The following TUT7 variants were observed in gnomAD, a reference collection of about 807,000 sequenced individuals.
TUT7 encodes the protein terminal uridylyltransferase 7.
Under a neutral mutation model 165.9 loss-of-function variants are expected in TUT7, and 33 were observed. The ratio of observed to expected loss-of-function variants is 0.20; its 90% CI spans 0.15 to 0.27. The LOEUF is 0.27. Among genes scored for constraint, TUT7 ranks in the 10% least tolerant of loss-of-function variants. The pLI is 1.00. For missense variants in TUT7, 1,338 were observed against 1,762.3 expected (o/e 0.76, Z 4.31); for synonymous variants, 552 against 608.1 (o/e 0.91, Z 1.36).
rs1828014274 is a variant in TUT7 at position 86,311,183 on chromosome 9, C to T, written c.3275-374G>A. Among the ~76,000 whole-genome samples, 2 of 152,202 alleles carry T rather than the reference C, an allele frequency of 1.3e-5. No homozygotes were observed. The highest frequency in any genetic ancestry group is 2.1e-4 in the South Asian group (1 of 4,826). The stretch of plus-strand genomic sequence containing the variant: ...ACTATGTGGTTCCCACCTGTTCTCT[C>T]CATGTGACTATATCTAATTTGGAGA... On this transcript the variant is annotated intron_variant, in intron 17 of 26. Transcript: ENST00000375963. This position sits in a 1 kb window ranked among gnomAD's most constrained non-coding sequence, Gnocchi z 4.4.
intron 10 of TUT7, among the ~76,000 whole-genome samples, chr9:86,332,338 C>T (rs150530753): frequency 4.5e-4 from 68 of 150,242 alleles, no homozygotes; most frequent in Middle Eastern, 3.4e-3. Context: ...TACATATACA[C>T]CGTGGAATAC....
intron 16 of TUT7, 80 bp from the exon 17 acceptor site, chr9:86,317,356 A>G (rs756808927): frequency 6.2e-5 from 70 of 1,125,736 alleles, no homozygotes; most frequent in Non-Finnish European, 8.3e-5. Context: ...CATTACCTTC[A>G]GAAATAATGT....
chr9:86,352,216 T>C (rs932285007), intron 2 of TUT7, among the ~76,000 whole-genome samples: 2 of 152,190 alleles, frequency 1.3e-5, no homozygotes, highest in Non-Finnish European at 2.9e-5. Flanking sequence ...TGGCAGGAGA[T>C]ATACGCAGTG....
chr9:86,341,745 T>C (rs1478006111), intron 6 of TUT7, among the ~76,000 whole-genome samples: 1 of 152,150 alleles, frequency 6.6e-6, no homozygotes, highest in African/African-American at 2.4e-5. Context: ...TTTCCCCCTC[T>C]CCTGCAGGCT....
At chr9:86,317,740 G>C (rs1002506116) in intron 16 of TUT7, among the ~76,000 whole-genome samples, 6 of 152,102 alleles carry the variant, frequency 3.9e-5, no homozygotes, top group African/African-American at 1.4e-4. Flanking sequence ...TTTCCCTATA[G>C]GACTAGCCAG....
At chr9:86,340,679 T>C (rs1436968679) in intron 7 of TUT7, among the ~76,000 whole-genome samples, 1 of 152,234 alleles carries the variant, frequency 6.6e-6, no homozygotes, top group Admixed American at 6.5e-5. Flanking sequence ...ATTTTAACCA[T>C]TGATAAAAGC....
intron 13 of TUT7, among the ~76,000 whole-genome samples, 193 bp downstream of exon 13, chr9:86,322,680 T>C (rs1478765290): frequency 1.3e-5 from 2 of 152,210 alleles, no homozygotes; most frequent in African/African-American, 2.4e-5. Flanking sequence ...TCACTACTAA[T>C]AGCATTCCCT....
At chr9:86,339,762 T>C (rs1020943454) in intron 8 of TUT7, among the ~76,000 whole-genome samples, 2 of 152,202 alleles carry the variant, frequency 1.3e-5, no homozygotes, top group Non-Finnish European at 2.9e-5. Flanking sequence ...TTACAGCAAG[T>C]AACTATTTAA....
chr9:86,308,294 T>TG, intron 22 of TUT7, 135 bp downstream of exon 22: 1 of 639,594 alleles, frequency 1.6e-6, no homozygotes, highest in Non-Finnish European at 2.4e-6. Flanking sequence ...AGAGAAAAGT[T>TG]GGCCTGGTAT....
At chr9:86,338,210 C>CTTTT (rs1156700714) in intron 9 of TUT7, among the ~76,000 whole-genome samples, 1 of 135,396 alleles carries the variant, frequency 7.4e-6, no homozygotes. Flanking sequence ...CATGGAATCT[C>CTTTT]TTTTTTTTTT....
chr9:86,333,692 C>T (rs968938802), intron 10 of TUT7, among the ~76,000 whole-genome samples: 1 of 152,174 alleles, frequency 6.6e-6, no homozygotes, highest in Non-Finnish European at 1.5e-5. Context: ...CTGACAATTT[C>T]AACATTTGTC....
At chr9:86,308,638 G>A (rs1220834864) in intron 21 of TUT7, 32 bp from the exon 22 acceptor site, 1 of 1,551,410 alleles carries the variant, frequency 6.4e-7, no homozygotes, top group Non-Finnish European at 8.7e-7. Context: ...GGATACCATG[G>A]TCTTTAGTGA....
rs1828049224 is a variant in TUT7 at position 86,311,534 on chromosome 9, C to T, written c.3275-725G>A. On this transcript the variant is annotated intron_variant, in intron 17 of 26. Coordinates refer to ENST00000375963, the MANE Select transcript of TUT7 (RefSeq NM_024617.4). The surrounding 1 kb of genome is among the most constrained non-coding windows in gnomAD (Gnocchi z 4.4). The stretch of plus-strand genomic sequence containing the variant: ...AACTGGGAAAGGTCCAACTACAGAA[C>T]ATACACATTTTGCTAAGAATTATCC... Among the ~76,000 whole-genome samples, 1 of 151,958 alleles carries T rather than the reference C, an allele frequency of 6.6e-6. No individual in the cohort carries two copies. Among genetic ancestry groups the T allele is most frequent in the South Asian group, 2.1e-4 (1 of 4,806 alleles).
intron 10 of TUT7, among the ~76,000 whole-genome samples, chr9:86,332,575 CA>C (rs1830420253): frequency 1.3e-5 from 2 of 151,916 alleles, no homozygotes; most frequent in Non-Finnish European, 2.9e-5. Flanking sequence ...GGGAGAGGAG[CA>C]AGAAAAAATA....
chr9:86,298,712 T>TAA, intron 26 of TUT7: 1 of 871,510 alleles, frequency 1.1e-6, no homozygotes, highest in Non-Finnish European at 1.4e-6. Flanking sequence ...AGGCATGTGG[T>TAA]AAAGTATGCA....
At chr9:86,337,292 C>T (rs1180955789) in intron 10 of TUT7, 127 bp downstream of exon 10, 5 of 1,052,668 alleles carry the variant, frequency 4.7e-6, no homozygotes, top group Non-Finnish European at 6.9e-6. Context: ...TGAATATTCA[C>T]ATGAGTAGAA....
intron 25 of TUT7, among the ~76,000 whole-genome samples, chr9:86,302,345 G>A (rs1212603119): frequency 6.6e-6 from 1 of 152,036 alleles, no homozygotes; most frequent in Non-Finnish European, 1.5e-5. Context: ...AACAAAGAGT[G>A]CTAAAATCCA....
chr9:86,302,815 G>T (rs1827069422), intron 25 of TUT7, among the ~76,000 whole-genome samples: 3 of 151,818 alleles, frequency 2.0e-5, no homozygotes. Context: ...CACCATGTGG[G>T]TCAGGCTGGT....
At position 86,328,490 on chromosome 9, in the gene TUT7, A is replaced by C; in HGVS notation, c.1458T>G (p.Ile486Met). The change falls in exon 11 of 27, where the codon ATT (isoleucine) becomes ATG (methionine). Residue 486 changes from isoleucine (I) to methionine (M), a missense_variant and splice_region_variant. Transcript: ENST00000375963. ...PLLPVYLGSW[I>M]EGFSLSKLGN... ...CTAGTTTGCTTAATGAGAATCCTTC[A>C]ATCTAGGAAAAATTAGACACATGCT... The C allele has an allele frequency of 6.2e-7, 1 of 1,601,742 alleles. No homozygotes were observed. Among genetic ancestry groups the C allele is most frequent in the African/African-American group, 1.3e-5 (1 of 74,272 alleles).
Sources: allele counts gnomAD v4.1 joint callset (sites outside exome capture counted in the v4.1 genomes callset), GRCh38; gene constraint gnomAD v4.1.1; non-coding constraint Gnocchi (gnomAD v3.1); transcripts MANE v1.5; gene names NCBI Gene and HGNC (gene_info 2026-07-23, HGNC 2026-07-21).